LYST: variants seen among roughly 807,000 people sequenced by gnomAD.
LYST encodes the protein lysosomal-trafficking regulator.
In LYST, 192 loss-of-function variants were observed where a neutral mutation model predicts 413.6. That is an observed-to-expected ratio of 0.46 (90% CI 0.41 to 0.52). The LOEUF (loss-of-function observed/expected upper bound fraction) is 0.52. Ranked by LOEUF, LYST falls within the 20% of genes least tolerant of loss-of-function variation. The pLI, the probability that LYST is intolerant of heterozygous loss-of-function variation, is 0.00. For missense variants in LYST, 3,815 were observed against 4,499.9 expected, an observed-to-expected ratio of 0.85 and a Z score of 4.35; for synonymous variants, 1,525 against 1,567.3, an observed-to-expected ratio of 0.97 and a Z score of 0.64.
chr1:235,790,076 C>G (rs1476976498), intron 12 of LYST, among the ~76,000 whole-genome samples: 1 of 152,076 alleles, frequency 6.6e-6, no homozygotes, highest in Non-Finnish European at 1.5e-5. Flanking sequence ...AGTGTTTATA[C>G]AAAATCATCT....
chr1:235,750,408 T>A (rs1358338542), intron 28 of LYST, among the ~76,000 whole-genome samples: 2 of 152,176 alleles, frequency 1.3e-5, no homozygotes, highest in Admixed American at 6.6e-5. Flanking sequence ...TGGTTTAAAA[T>A]TTTTGCATAG....
At chr1:235,791,649 T>A (rs531323679) in intron 12 of LYST, 50 bp downstream of exon 12, 4 of 1,474,870 alleles carry the variant, frequency 2.7e-6, no homozygotes, top group Non-Finnish European at 1.9e-6. Context: ...AGGAAAATTA[T>A]AGTCTGAAAA....
At chr1:235,770,666 A>G (rs565457315) in intron 19 of LYST, among the ~76,000 whole-genome samples, 7 of 152,348 alleles carry the variant, frequency 4.6e-5, no homozygotes, top group South Asian at 2.1e-4. Context: ...TTAAAAATGT[A>G]CACATTTCAA....
chr1:235,841,526 T>C (rs943163882), intron 1 of LYST, among the ~76,000 whole-genome samples: 3 of 152,150 alleles, frequency 2.0e-5, no homozygotes, highest in African/African-American at 4.8e-5. Flanking sequence ...TGCTACACAT[T>C]AGGGTCTTTT....
chr1:235,709,740 G>T (rs1334245560), intron 43 of LYST, among the ~76,000 whole-genome samples: 1 of 149,964 alleles, frequency 6.7e-6, no homozygotes, highest in East Asian at 1.9e-4. Flanking sequence ...ATAAATTTAA[G>T]ATTATATTTA....
At chr1:235,839,993 T>C (rs1677039816) in intron 1 of LYST, 6 of 152,326 alleles carry the variant, frequency 3.9e-5, no homozygotes, top group Admixed American at 3.3e-4. Flanking sequence ...ATCTCTGGCA[T>C]CTTACCTACC....
intron 36 of LYST, among the ~76,000 whole-genome samples, chr1:235,730,278 A>T (rs1026703525): frequency 6.6e-6 from 1 of 152,032 alleles, no homozygotes; most frequent in Non-Finnish European, 1.5e-5. Flanking sequence ...AACATACTTA[A>T]TACTCAACAA....
rs16832868 is a variant in LYST, at chr1:235,808,502, G to A, written c.2316C>T (p.Asp772=). The A allele has an allele frequency of 0.01, 16,588 of 1,613,264 alleles. 1,391 individuals are homozygous for A. In the African/African-American group the frequency reaches 0.19, roughly 18 times the overall value. The change falls in exon 5 of 53, where the codon GAC becomes GAT. Residue 772 remains aspartate (D), a synonymous_variant. Coordinates refer to ENST00000389793, the MANE Select transcript of LYST (RefSeq NM_000081.4). ...CSHHNQCLPQ[D]VLQIYVKTLP... ...GAGTTTTTACATAAATCTGAAGCAC[G>A]TCCTGAGGCAAGCACTGGTTATGAT...
rs1349781456 is a variant in LYST, at chr1:235,793,246, C to G, written c.4116+257G>C. Among the ~76,000 whole-genome samples, 5 of 152,146 alleles carry G rather than the reference C, an allele frequency of 3.3e-5. No individual in the cohort carries two copies. The East Asian group carries it at 7.7e-4, about 23-fold the overall frequency. On this transcript the variant is annotated intron_variant, in intron 11 of 52. Transcript: ENST00000389793. ...AAAATTATTCAGCTTTTCTGAAGCA[C>G]AAAAACTGGGGATGGGGTGGGTAAA...
At chr1:235,835,144 T>G (rs1341059579) in intron 1 of LYST, among the ~76,000 whole-genome samples, 1 of 151,970 alleles carries the variant, frequency 6.6e-6, no homozygotes, top group African/African-American at 2.4e-5. Context: ...CTCAAACTCC[T>G]GACTTCAGGT....
chr1:235,869,999 C>A (rs370014429), upstream of LYST, among the ~76,000 whole-genome samples: 77 of 152,256 alleles, frequency 5.1e-4, 1 homozygote, highest in South Asian at 0.015. Flanking sequence ...CGTCTTTGCT[C>A]AAATTTCACC....
At chr1:235,866,161 C>T (rs1680478650) in intron 1 of LYST, among the ~76,000 whole-genome samples, 1 of 152,144 alleles carries the variant, frequency 6.6e-6, no homozygotes, top group African/African-American at 2.4e-5. Flanking sequence ...GGGTAATTTC[C>T]CAGCTTATTT....
chr1:235,692,636 A>T (rs1660753877), intron 47 of LYST, among the ~76,000 whole-genome samples: 1 of 151,832 alleles, frequency 6.6e-6, no homozygotes, highest in African/African-American at 2.4e-5. Flanking sequence ...TGCCCGCCTC[A>T]GCCTCCCAAA....
At chr1:235,691,698 TC>T (rs1359917601) in intron 47 of LYST, among the ~76,000 whole-genome samples, 6 of 43,088 alleles carry the variant, frequency 1.4e-4, no homozygotes, top group African/African-American at 8.5e-4. Context: ...TCAGATTCTC[TC>T]TTTTTTTTTT....
Position 235,712,097 on chromosome 1 carries a change from T to C in LYST, c.9885A>G (p.Pro3295=). 1 of 1,555,332 alleles carries C rather than the reference T, an allele frequency of 6.4e-7. No individual in the cohort carries two copies. The highest frequency in any genetic ancestry group is 8.7e-7 in the Non-Finnish European group (1 of 1,146,132). ...GGAACTCTGGAAGATAGAAAAACTCTGGGATAAGTTCTTTCACATCAGTCA... is the reference window on the plus strand; with the variant it reads ...GGAACTCTGGAAGATAGAAAAACTCCGGGATAAGTTCTTTCACATCAGTCA... ...ESMTDVKELI[P]EFFYLPEFLV... Residue 3295 remains proline, a synonymous_variant, in exon 43 of 53, where the codon CCA becomes CCG. Coordinates refer to ENST00000389793, the MANE Select transcript of LYST (RefSeq NM_000081.4).
At position 235,741,412 on chromosome 1, in the gene LYST, A is replaced by C; in HGVS notation, c.8358+10T>G. On this transcript the variant is annotated intron_variant, in intron 31 of 52. Transcript: ENST00000389793. ...CGTTTTACTTCTCTTATCAAAGCTG[A>C]GATACTTACTTGTAGGGATGGGCTG... is the stretch of plus-strand genomic sequence containing the variant. 6.2e-7 allele frequency: 1 copy of C among 1,603,068 alleles called. No homozygotes were observed. The highest frequency in any genetic ancestry group is 8.5e-7 in the Non-Finnish European group (1 of 1,170,038).
Position 235,664,684 on chromosome 1 carries a change from C to A in LYST, c.11039-63G>T. On this transcript the variant is annotated intron_variant, in intron 50 of 52. Transcript: ENST00000389793. The surrounding 1 kb of genome is among the most constrained non-coding windows in gnomAD (Gnocchi z 4.5). Reference sequence around the variant, plus strand: ...TGGCTGTCTCAGAGCCCACATTTGGCCCCAGAAGGGCAACCCTGAAGGGCA... The same window carrying A: ...TGGCTGTCTCAGAGCCCACATTTGGACCCAGAAGGGCAACCCTGAAGGGCA... 6.4e-7 allele frequency: 1 copy of A among 1,556,514 alleles called. No homozygotes were observed. Among genetic ancestry groups the A allele is most frequent in the Non-Finnish European group, 8.9e-7 (1 of 1,129,372 alleles).
intron 38 of LYST, 63 bp downstream of exon 38, chr1:235,728,013 G>T: frequency 8.7e-7 from 1 of 1,152,804 alleles, no homozygotes; most frequent in South Asian, 1.2e-5. Context: ...TAGTTATACT[G>T]AATTGATACA....
At chr1:235,819,416 C>G (rs1377055457) in intron 3 of LYST, among the ~76,000 whole-genome samples, 1 of 152,136 alleles carries the variant, frequency 6.6e-6, no homozygotes, top group African/African-American at 2.4e-5. Context: ...ACTTGCAGCC[C>G]TCTATTTCAA....
Sources: gnomAD v4.1 joint callset for allele counts (sites outside exome capture counted in the v4.1 genomes callset) on GRCh38, gnomAD v4.1.1 for gene constraint, Gnocchi (gnomAD v3.1) non-coding constraint, MANE v1.5 for transcripts, NCBI Gene and HGNC (gene_info 2026-07-23, HGNC 2026-07-21) for gene names.